Variants in CTCFL observed in about 807,000 individuals in gnomAD.
CTCFL encodes CCCTC-binding factor like, also known as transcriptional repressor CTCFL.
In CTCFL, 36 loss-of-function variants were observed where a neutral mutation model predicts 67.4. That is an observed-to-expected ratio of 0.53 (90% CI 0.41 to 0.71). The LOEUF (loss-of-function observed/expected upper bound fraction) is 0.71. CTCFL is among the 30% of genes least tolerant of loss of function. CTCFL has a pLI of 0.00. For missense variants in CTCFL, 786 were observed against 835.2 expected (o/e 0.94, Z 0.73); for synonymous variants, 324 against 302.3 (o/e 1.07, Z -0.75).
intron 8 of CTCFL, among the ~76,000 whole-genome samples, chr20:57,511,241 T>C (rs576369359): frequency 6.6e-6 from 1 of 152,222 alleles, no homozygotes; most frequent in African/African-American, 2.4e-5. Flanking sequence ...GGTCTCATTA[T>C]GTTGCCCAGG....
intron 9 of CTCFL, chr20:57,506,981 TA>T: frequency 2.0e-6 from 2 of 984,772 alleles, no homozygotes; most frequent in South Asian, 4.7e-5. Context: ...GAAATATTTT[TA>T]AAAAAATAGT....
rs2069532262 is a variant in CTCFL at position 57,523,260 on chromosome 20, TCTC to T, written c.559_561del (p.Glu187del). On this transcript the variant is annotated inframe_deletion, in exon 3 of 11. Transcript: ENST00000243914. ...GTTCTTTCAGCCAATAACTGGTTCT[TCTC>T]CTGCTCTTCCTCGAGCTAATAAACA... 2 of 1,613,734 alleles carry T rather than the reference TCTC, an allele frequency of 1.2e-6. No homozygotes were observed. The highest frequency in any genetic ancestry group is 1.1e-5 in the South Asian group (1 of 91,040).
chr20:57,506,219 C>T (rs2068200732), intron 9 of CTCFL, among the ~76,000 whole-genome samples: 1 of 152,198 alleles, frequency 6.6e-6, no homozygotes, highest in East Asian at 1.9e-4. Flanking sequence ...AACTGATTTG[C>T]GTTGCCCTGG....
intron 3 of CTCFL, among the ~76,000 whole-genome samples, chr20:57,522,585 CG>C (rs1568883741): frequency 6.6e-6 from 1 of 152,182 alleles, no homozygotes; most frequent in Non-Finnish European, 1.5e-5. Context: ...CAGAGCTACA[CG>C]CCCAGACCAC....
chr20:57,503,280 A>G (rs1268856367), intron 10 of CTCFL, among the ~76,000 whole-genome samples, 156 bp downstream of exon 10: 2 of 152,208 alleles, frequency 1.3e-5, no homozygotes, highest in Non-Finnish European at 2.9e-5. Flanking sequence ...GCTCACTGCC[A>G]TTCTGAGAGA....
At chr20:57,496,064 C>T (rs1255128656), downstream of CTCFL, 6 of 398,312 alleles carry the variant, frequency 1.5e-5, no homozygotes, top group South Asian at 8.0e-4. Flanking sequence ...CTGGCCAAAG[C>T]TCATGTTGAA....
intron 3 of CTCFL, among the ~76,000 whole-genome samples, chr20:57,521,154 G>A (rs1332041827): frequency 6.6e-6 from 1 of 152,236 alleles, no homozygotes; most frequent in Non-Finnish European, 1.5e-5. Flanking sequence ...ACAACTGTGA[G>A]AGGTATGTTT....
At chr20:57,518,221 G>A (rs1050524001) in intron 5 of CTCFL, among the ~76,000 whole-genome samples, 2 of 152,200 alleles carry the variant, frequency 1.3e-5, no homozygotes, top group Admixed American at 1.3e-4. Context: ...CCTGTTTCAC[G>A]TGAGTACCGC....
At chr20:57,514,861 G>C in intron 6 of CTCFL, 120 bp from the exon 7 acceptor site, 1 of 1,020,504 alleles carries the variant, frequency 9.8e-7, no homozygotes, top group Non-Finnish European at 1.4e-6. Flanking sequence ...CTTCTCACCG[G>C]ACAACCCCCA....
At chr20:57,524,783 C>T (rs913782423) in intron 1 of CTCFL, 3 of 985,906 alleles carry the variant, frequency 3.0e-6, no homozygotes, top group Non-Finnish European at 3.6e-6. Context: ...CTAGTGGCCT[C>T]GAGCCCACCC....
At chr20:57,523,532 T>C in intron 2 of CTCFL, 131 bp downstream of exon 2, 1 of 1,302,926 alleles carries the variant, frequency 7.7e-7, no homozygotes, top group Non-Finnish European at 1.0e-6. Flanking sequence ...TCTCAAGATT[T>C]TCCTGGGAAG....
At position 57,503,525 on chromosome 20, in the gene CTCFL, GTTC is replaced by G. The variant is rs1406108389; in HGVS notation, c.1748_1750del (p.Arg583del). The G allele has an allele frequency of 1.9e-6, 3 of 1,613,984 alleles. No individual in the cohort carries two copies. Among genetic ancestry groups the G allele is most frequent in the Admixed American group, 1.7e-5 (1 of 59,998 alleles). ...CAGGATGGTCTGCTTCCTCTTTCTT[GTTC>G]TTCTTCCCTTTCCTGAAGCAGCCGA... On this transcript the variant is annotated inframe_deletion, in exon 10 of 11. Coordinates refer to ENST00000243914, the MANE Select transcript of CTCFL (RefSeq NM_001386993.1).
intron 6 of CTCFL, 117 bp from the exon 7 acceptor site, chr20:57,514,858 C>T: frequency 1.9e-6 from 2 of 1,035,902 alleles, no homozygotes; most frequent in South Asian, 1.6e-5. Flanking sequence ...CCCCTTCTCA[C>T]CGGACAACCC....
At chr20:57,501,306 G>A (rs555793652) in intron 10 of CTCFL, among the ~76,000 whole-genome samples, 1 of 151,384 alleles carries the variant, frequency 6.6e-6, no homozygotes, top group Non-Finnish European at 1.5e-5. Flanking sequence ...GTGGTCGCGC[G>A]AAGTGCTTTT....
chr20:57,519,491 A>G (rs1056953242), intron 3 of CTCFL, 114 bp from the exon 4 acceptor site: 3 of 849,156 alleles, frequency 3.5e-6, no homozygotes, highest in Admixed American at 2.1e-5. Context: ...ACAATAGCAC[A>G]TGCTATTTAT....
chr20:57,513,823 T>G, intron 7 of CTCFL: 8 of 1,288,636 alleles, frequency 6.2e-6, no homozygotes, highest in Non-Finnish European at 8.1e-6. Flanking sequence ...CACAGTGTCA[T>G]ATATTTTGGA....
At position 57,515,704 on chromosome 20, in the gene CTCFL, G is replaced by A. The variant is rs766423703; in HGVS notation, c.1180+10C>T. ...TGTAGGTATCAGGCCTTCAGCACCAGAGCCCTTACCTGAGTGCGTTCTCAT... is the reference window on the plus strand; with the variant it reads ...TGTAGGTATCAGGCCTTCAGCACCAAAGCCCTTACCTGAGTGCGTTCTCAT... On this transcript the variant is annotated intron_variant, in intron 6 of 10. Coordinates refer to ENST00000243914, the MANE Select transcript of CTCFL (RefSeq NM_001386993.1). The A allele has an allele frequency of 3.1e-6, 5 of 1,614,142 alleles. No individual in the cohort carries two copies. Among genetic ancestry groups the A allele is most frequent in the Non-Finnish European group, 4.2e-6 (5 of 1,180,016 alleles).
At chr20:57,506,656 G>T in intron 9 of CTCFL, 1 of 341,014 alleles carries the variant, frequency 2.9e-6, no homozygotes, top group Non-Finnish European at 4.2e-6. Flanking sequence ...AGTTATAAGA[G>T]TTCTTTTTAT....
chr20:57,519,312 G>T lies in CTCFL; in HGVS notation c.820C>A (p.Arg274Ser). The change falls in exon 4 of 11, where the codon CGT (arginine) becomes AGT (serine). Residue 274 changes from arginine (R) to serine (S), a missense_variant. Arg to Ser is a moderately radical substitution (Grantham distance 110). Transcript: ENST00000243914. ...TCACTGGTGTGAGTTTTCATATGAC[G>T]ATTAAAACTTGACATTCTAGAAGAG... ...FTSSRMSSFN[R>S]HMKTHTSEKP... is the part of the protein sequence containing the mutation. 3 of 1,613,970 alleles carry T rather than the reference G, an allele frequency of 1.9e-6. No individual in the cohort carries two copies. The highest frequency in any genetic ancestry group is 2.5e-6 in the Non-Finnish European group (3 of 1,179,858).
Sources: allele counts gnomAD v4.1 joint callset (sites outside exome capture counted in the v4.1 genomes callset), GRCh38; gene constraint gnomAD v4.1.1; transcripts MANE v1.5; gene names NCBI Gene and HGNC (gene_info 2026-07-23, HGNC 2026-07-21).